The following HSPA12A variants were observed in gnomAD, a reference collection of about 807,000 sequenced individuals.
HSPA12A encodes heat shock protein family A (Hsp70) member 12A.
Under a neutral mutation model 69.2 loss-of-function variants are expected in HSPA12A, and 28 were observed. The ratio of observed to expected loss-of-function variants is 0.40; its 90% CI spans 0.30 to 0.55. The LOEUF is 0.55. HSPA12A is among the 20% of genes least tolerant of loss of function. The pLI is 0.38. For synonymous variants in HSPA12A, 345 were observed against 370.5 expected (o/e 0.93, Z 0.79); for missense variants, 686 against 900.7 (o/e 0.76, Z 3.05).
At chr10:116,770,135 T>C (rs1844168671) in intron 2 of HSPA12A, among the ~76,000 whole-genome samples, 1 of 152,232 alleles carries the variant, frequency 6.6e-6, no homozygotes, top group South Asian at 2.1e-4. Flanking sequence ...GAGGAGGTCT[T>C]ATGTGAGCCC....
chr10:116,786,438 A>G (rs1844579174), intron 2 of HSPA12A, among the ~76,000 whole-genome samples: 1 of 135,760 alleles, frequency 7.4e-6, no homozygotes, highest in African/African-American at 2.5e-5. Flanking sequence ...TTTTCCTGAA[A>G]AAAAAAGAAA....
At chr10:116,774,975 C>T (rs1554890942) in intron 2 of HSPA12A, among the ~76,000 whole-genome samples, 2 of 147,200 alleles carry the variant, frequency 1.4e-5, no homozygotes, top group Admixed American at 6.8e-5. Flanking sequence ...ACACACCCAC[C>T]GCCACTGCTC....
chr10:116,716,423 C>CTCG (rs1305877222), intron 1 of HSPA12A, among the ~76,000 whole-genome samples: 1 of 150,156 alleles, frequency 6.7e-6, no homozygotes, highest in African/African-American at 2.5e-5. Context: ...AGCTCTGAGT[C>CTCG]CTCCCGAAAG....
chr10:116,761,323 T>C (rs1554889245), intron 2 of HSPA12A, among the ~76,000 whole-genome samples: 2 of 151,854 alleles, frequency 1.3e-5, no homozygotes, highest in Admixed American at 6.6e-5. Context: ...CCGTCTCTAC[T>C]AAAAATACAA....
chr10:116,724,240 G>GCC (rs2133032798), intron 1 of HSPA12A, among the ~76,000 whole-genome samples: 1 of 152,260 alleles, frequency 6.6e-6, no homozygotes, highest in South Asian at 2.1e-4. Flanking sequence ...TGGGTTCAGA[G>GCC]ACCAGAAGGC....
intron 2 of HSPA12A, among the ~76,000 whole-genome samples, chr10:116,820,656 A>G (rs923067895): frequency 6.6e-6 from 1 of 151,926 alleles, no homozygotes; most frequent in Non-Finnish European, 1.5e-5. Flanking sequence ...ACAATGCCCC[A>G]GGCTTTAGTC....
chr10:116,782,966 G>T (rs1554891972), intron 2 of HSPA12A, among the ~76,000 whole-genome samples: 1 of 152,204 alleles, frequency 6.6e-6, no homozygotes, highest in Non-Finnish European at 1.5e-5. Context: ...TAACCTCAGA[G>T]AGGCAGAGAA....
intron 1 of HSPA12A, among the ~76,000 whole-genome samples, chr10:116,844,766 C>T (rs547417527): frequency 6.6e-6 from 1 of 152,114 alleles, no homozygotes; most frequent in Admixed American, 6.5e-5. Flanking sequence ...TTGATAGCAA[C>T]CCCAAAATAA....
At chr10:116,712,044 G>A (rs1850450127) in intron 1 of HSPA12A, among the ~76,000 whole-genome samples, 1 of 152,114 alleles carries the variant, frequency 6.6e-6, no homozygotes, top group African/African-American at 2.4e-5. Flanking sequence ...TTAAGCGGAA[G>A]GGGAAGAGAC....
At chr10:116,833,272 T>C (rs1258345395) in intron 2 of HSPA12A, 2 of 152,250 alleles carry the variant, frequency 1.3e-5, no homozygotes, top group Non-Finnish European at 2.9e-5. Flanking sequence ...CCGTCATCCC[T>C]GCAGGAACTG....
intron 2 of HSPA12A, among the ~76,000 whole-genome samples, chr10:116,753,930 T>C (rs1323663580): frequency 6.6e-6 from 1 of 152,192 alleles, no homozygotes; most frequent in Admixed American, 6.5e-5. Context: ...TGCTTGCTCA[T>C]TTTCTGCTGG....
chr10:116,743,317 C>T (rs772083203), upstream of HSPA12A, among the ~76,000 whole-genome samples: 84 of 152,216 alleles, frequency 5.5e-4, no homozygotes, highest in Non-Finnish European at 1.0e-3. Context: ...CACACACACG[C>T]GCCGCTGGCA....
intron 1 of HSPA12A, among the ~76,000 whole-genome samples, chr10:116,711,664 T>G (rs1554883089): frequency 3.0e-5 from 1 of 33,200 alleles, no homozygotes; most frequent in Non-Finnish European, 5.2e-5. Context: ...TTTCTTTTTT[T>G]TTCTTTTTTT....
chr10:116,843,718 G>A (rs1056791655), intron 1 of HSPA12A, among the ~76,000 whole-genome samples: 2 of 152,080 alleles, frequency 1.3e-5, no homozygotes, highest in South Asian at 4.2e-4. Flanking sequence ...TTGGAGCAGC[G>A]GTTTGCAACC....
chr10:116,684,550 G>T (rs969387487), intron 6 of HSPA12A, among the ~76,000 whole-genome samples: 1 of 151,954 alleles, frequency 6.6e-6, no homozygotes, highest in Non-Finnish European at 1.5e-5. Context: ...CGCTAGGAGG[G>T]TTCCTGAGAT....
intron 2 of HSPA12A, among the ~76,000 whole-genome samples, chr10:116,756,235 G>T (rs1247574299): frequency 6.6e-6 from 1 of 152,216 alleles, no homozygotes; most frequent in African/African-American, 2.4e-5. Context: ...TTCCAGGGAA[G>T]GGTAGGGGGC....
upstream of HSPA12A, among the ~76,000 whole-genome samples, chr10:116,743,158 G>A (rs540192285): frequency 6.6e-6 from 1 of 152,338 alleles, no homozygotes; most frequent in South Asian, 2.1e-4. Context: ...TGGCAACTCC[G>A]GACCCAGGGA....
chr10:116,729,952 G>A (rs1851100949), intron 1 of HSPA12A, among the ~76,000 whole-genome samples: 1 of 152,228 alleles, frequency 6.6e-6, no homozygotes, highest in Non-Finnish European at 1.5e-5. Flanking sequence ...AGGCGTGGTG[G>A]CTTACGCCTG....
chr10:116,849,392 G>C (rs1845982057), intron 1 of HSPA12A: 5 of 811,932 alleles, frequency 6.2e-6, no homozygotes, highest in Non-Finnish European at 8.6e-6. Context: ...ACAGAGCAGC[G>C]AGCGCAAATA....
Sources: gnomAD v4.1 joint callset for allele counts (sites outside exome capture counted in the v4.1 genomes callset) on GRCh38, gnomAD v4.1.1 for gene constraint, MANE v1.5 for transcripts, NCBI Gene and HGNC (gene_info 2026-07-23, HGNC 2026-07-21) for gene names.